The following SPRY2 variants were observed in gnomAD, a reference collection of about 807,000 sequenced individuals.
SPRY2 encodes sprouty RTK signaling antagonist 2, also known as protein sprouty homolog 2.
A neutral mutation model predicts 23.4 loss-of-function variants in SPRY2; 10 were observed. The observed-to-expected ratio is 0.43, with a 90% CI of 0.26 to 0.73. The LOEUF (loss-of-function observed/expected upper bound fraction) is 0.73. Ranked by LOEUF, SPRY2 falls within the 30% of genes least tolerant of loss-of-function variation. The pLI is 0.22. For missense variants in SPRY2, 344 were observed against 396.9 expected (o/e 0.87, Z 1.13); for synonymous variants, 170 against 156.9 (o/e 1.08, Z -0.62).
At position 80,339,465 on chromosome 13, in the gene SPRY2, C is replaced by A. The variant is rs372939774; in HGVS notation, c.-52+1157G>T. ...TTTTCCAGGGTCCCACTGCTCACTC[C>A]GGGCGCGCAGGACCCAGCTCCCGGA... On this transcript the variant is annotated intron_variant, in intron 1 of 1. Transcript: ENST00000377104. The A allele has an allele frequency of 2.0e-5, 3 of 152,246 alleles. No individual in the cohort carries two copies. In the East Asian group the frequency reaches 5.8e-4, roughly 29 times the overall value. The allele number at this position is 152,246 out of a possible 1,614,324, so 9.4% of individuals were successfully genotyped here.
Position 80,337,383 on chromosome 13 carries a change from G to A in SPRY2, c.323C>T (p.Ser108Phe). The A allele has an allele frequency of 1.2e-6, 2 of 1,614,146 alleles. No individual in the cohort carries two copies. Among genetic ancestry groups the A allele is most frequent in the Non-Finnish European group, 1.7e-6 (2 of 1,180,028 alleles). ...QVHSSARAPL[S>F]RSISTVSSGS... The stretch of plus-strand genomic sequence containing the variant: ...TGAGCTGACCGTGCTTATGGATCTG[G>A]ACAGAGGGGCTCGTGCAGAAGAATG... Residue 108 changes from serine to phenylalanine, a missense_variant, in exon 2 of 2, where the codon TCC (serine) becomes TTC (phenylalanine). Coordinates refer to ENST00000377104, the MANE Select transcript of SPRY2 (RefSeq NM_005842.4).
Position 80,337,470 on chromosome 13 carries a change from T to C in SPRY2, c.236A>G (p.His79Arg). The part of the protein sequence containing the change: ...PAPRPSTQHK[H>R]ERLHGLPEHR... Reference sequence around the variant, plus strand: ...CTCAGGCAGACCGTGGAGTCTCTCGTGTTTGTGCTGAGTGGAGGGGCGAGG... The same window carrying C: ...CTCAGGCAGACCGTGGAGTCTCTCGCGTTTGTGCTGAGTGGAGGGGCGAGG... The change falls in exon 2 of 2, where the codon CAC becomes CGC. Residue 79 changes from histidine to arginine, a missense_variant. His to Arg is a conservative substitution (Grantham distance 29). Coordinates refer to ENST00000377104, the MANE Select transcript of SPRY2 (RefSeq NM_005842.4). The C allele has an allele frequency of 6.2e-7, 1 of 1,614,028 alleles. No homozygotes were observed. Among genetic ancestry groups the C allele is most frequent in the Non-Finnish European group, 8.5e-7 (1 of 1,179,998 alleles).
At position 80,337,407 on chromosome 13, in the gene SPRY2, T is replaced by C. The variant is rs972292459; in HGVS notation, c.299A>G (p.His100Arg). The C allele has an allele frequency of 6.2e-7, 1 of 1,614,110 alleles. No individual in the cohort carries two copies. Among genetic ancestry groups the C allele is most frequent in the Non-Finnish European group, 8.5e-7 (1 of 1,180,022 alleles). ...QPPRLQHSQV[H>R]SSARAPLSRS... ...GGACAGAGGGGCTCGTGCAGAAGAA[T>C]GGACCTGCGAGTGCTGGAGCCTAGG... The change falls in exon 2 of 2, where the codon CAT becomes CGT. Residue 100 changes from histidine to arginine, a missense_variant. Physicochemically the swap from His to Arg is conservative, Grantham distance 29. Coordinates refer to ENST00000377104, the MANE Select transcript of SPRY2 (RefSeq NM_005842.4).
At chr13:80,339,841 C>T (rs993244685) in intron 1 of SPRY2, among the ~76,000 whole-genome samples, 7 of 152,230 alleles carry the variant, frequency 4.6e-5, no homozygotes, top group African/African-American at 1.7e-4. Flanking sequence ...TAAAAAATTG[C>T]CTATTTTGCC....
chr13:80,337,488 G>C lies in SPRY2; in HGVS notation c.218C>G (p.Pro73Arg). The C allele has an allele frequency of 1.2e-6, 2 of 1,614,184 alleles. No individual in the cohort carries two copies. Among genetic ancestry groups the C allele is most frequent in the Non-Finnish European group, 1.7e-6 (2 of 1,180,036 alleles). ...TCTCTCGTGTTTGTGCTGAGTGGAG[G>C]GGCGAGGAGCAGGCTTGAGCCCAGG... ...PRPGLKPAPRPSTQHKHERLH... is the reference protein window; with the variant it reads ...PRPGLKPAPRRSTQHKHERLH... Residue 73 changes from proline to arginine, a missense_variant, in exon 2 of 2, where the codon CCC becomes CGC. By Grantham distance (103) the Pro-to-Arg change is moderately radical. Coordinates refer to ENST00000377104, the MANE Select transcript of SPRY2 (RefSeq NM_005842.4).
chr13:80,337,333 T>C lies in SPRY2; in HGVS notation c.373A>G (p.Ser125Gly). 1.2e-6 allele frequency: 2 copies of C among 1,614,200 alleles called. No individual in the cohort carries two copies. The highest frequency in any genetic ancestry group is 8.5e-7 in the Non-Finnish European group (1 of 1,180,042). ...SSGSRSSTRT[S>G]TSSSSSEQRL... ...TGTTCAGAGGAGCTGCTGCTGGTAC[T>C]TGTCCTCGTACTGCTCCGCGACCCT... Residue 125 changes from serine to glycine, a missense_variant, in exon 2 of 2, where the codon AGT (serine) becomes GGT (glycine). Physicochemically the swap from Ser to Gly is moderately conservative, Grantham distance 56. Coordinates refer to ENST00000377104, the MANE Select transcript of SPRY2 (RefSeq NM_005842.4).
intron 1 of SPRY2, chr13:80,339,689 T>A (rs958087330): frequency 6.6e-6 from 1 of 151,570 alleles, no homozygotes; most frequent in African/African-American, 2.4e-5. Context: ...GAAACCCCCA[T>A]TAAGAACAGT....
In SPRY2 at chr13:80,340,831, C is replaced by T. The variant is rs1025672237; in HGVS notation, c.-261G>A. On this transcript the variant is annotated 5_prime_UTR_variant, in exon 1 of 2. Transcript: ENST00000377104. ...CCGGGGTTCGGAGCTGGAGACGACT[C>T]CCCTTCTACAAGCGCACGCGGAGTA... 6.6e-6 allele frequency: 1 copy of T among 152,348 alleles called. No homozygotes were observed. Among genetic ancestry groups the T allele is most frequent in the African/African-American group, 2.4e-5 (1 of 41,594 alleles). The allele number at this position is 152,348 out of a possible 1,614,324, so 9.4% of individuals were successfully genotyped here.
chr13:80,337,049 T>A lies in SPRY2; in HGVS notation c.657A>T (p.Val219=). 6.2e-7 allele frequency: 1 copy of A among 1,614,234 alleles called. No individual in the cohort carries two copies. Among genetic ancestry groups the A allele is most frequent in the Non-Finnish European group, 8.5e-7 (1 of 1,180,042 alleles). The change falls in exon 2 of 2, where the codon GTA becomes GTT. Residue 219 remains valine (V), a synonymous_variant. Coordinates refer to ENST00000377104, the MANE Select transcript of SPRY2 (RefSeq NM_005842.4). The part of the protein sequence containing the change: ...AQNVIDYGTC[V]CCVKGLFYHC... ...GATAGAAGAGACCTTTCACACAGCA[T>A]ACACAAGTCCCATAGTCAATCACGT...
At position 80,337,160 on chromosome 13, in the gene SPRY2, G is replaced by T. The variant is rs1223275593; in HGVS notation, c.546C>A (p.Gly182=). The T allele has an allele frequency of 7.4e-6, 12 of 1,613,974 alleles. No homozygotes were observed. Among genetic ancestry groups the T allele is most frequent in the African/African-American group, 1.3e-5 (1 of 74,918 alleles). ...GLHAYRCEDC[G]KCKCKECTYP... ...AGGTGCACTCCTTACATTTGCACTT[G>T]CCACAGTCCTCACACCTGTAGGCGT... Residue 182 remains glycine (G), a synonymous_variant, in exon 2 of 2, where the codon GGC becomes GGA. Transcript: ENST00000377104.
chr13:80,339,932 A>T (rs996422171), intron 1 of SPRY2, among the ~76,000 whole-genome samples: 1 of 152,240 alleles, frequency 6.6e-6, no homozygotes, highest in East Asian at 1.9e-4. Context: ...GCTTCCAAAA[A>T]TAAAATAAGT....
At chr13:80,340,366 CG>C (rs919062311) in intron 1 of SPRY2, among the ~76,000 whole-genome samples, 1 of 152,262 alleles carries the variant, frequency 6.6e-6, no homozygotes, top group African/African-American at 2.4e-5. Flanking sequence ...CCCTAGAGCG[CG>C]GGCGCGCGGG....
Position 80,336,675 on chromosome 13 carries a change from T to C in SPRY2, c.*83A>G. On this transcript the variant is annotated 3_prime_UTR_variant, in exon 2 of 2. Coordinates refer to ENST00000377104, the MANE Select transcript of SPRY2 (RefSeq NM_005842.4). ...ACCTTTCTATTAACAGTGCCAAGATTATAACTGTTTAGTTGGTTGCATATG... is the reference window on the plus strand; with the variant it reads ...ACCTTTCTATTAACAGTGCCAAGATCATAACTGTTTAGTTGGTTGCATATG... 3.0e-6 allele frequency: 4 copies of C among 1,342,846 alleles called. No individual in the cohort carries two copies. The highest frequency in any genetic ancestry group is 4.2e-6 in the Non-Finnish European group (4 of 959,068). 83.2% of individuals were successfully genotyped at this position (1,342,846 alleles called of 1,614,324 possible). A position where few individuals can be genotyped will look rare whatever the true frequency, so the allele number is the denominator to read the frequency against.
In SPRY2 at chr13:80,336,002, C is replaced by A. The variant is rs991597211; in HGVS notation, c.*756G>T. On this transcript the variant is annotated 3_prime_UTR_variant, in exon 2 of 2. Coordinates refer to ENST00000377104, the MANE Select transcript of SPRY2 (RefSeq NM_005842.4). Reference sequence around the variant, plus strand: ...TTAATTTCAAACGTTAATATATTTTCTATTTTATATTGGACATATGCATCT... The same window carrying A: ...TTAATTTCAAACGTTAATATATTTTATATTTTATATTGGACATATGCATCT... The A allele has an allele frequency of 1.3e-5, 2 of 152,126 alleles. No individual in the cohort carries two copies. Among genetic ancestry groups the A allele is most frequent in the African/African-American group, 4.8e-5 (2 of 41,442 alleles). 9.4% of individuals were successfully genotyped at this position (152,126 alleles called of 1,614,324 possible). A position where few individuals can be genotyped will look rare whatever the true frequency, so the allele number is the denominator to read the frequency against.
chr13:80,338,440 A>G (rs112647295), intron 1 of SPRY2, among the ~76,000 whole-genome samples: 13 of 152,332 alleles, frequency 8.5e-5, no homozygotes, highest in African/African-American at 2.6e-4. Context: ...CAAGAAGAAG[A>G]CATGAATTTA....
In SPRY2 at chr13:80,337,424, G is replaced by A. The variant is rs1566315713; in HGVS notation, c.282C>T (p.Leu94=). The stretch of plus-strand genomic sequence containing the variant: ...CAGAAGAATGGACCTGCGAGTGCTG[G>A]AGCCTAGGAGGCTGGCGGTGCTCAG... The part of the protein sequence containing the change: ...GLPEHRQPPR[L]QHSQVHSSAR... The change falls in exon 2 of 2, where the codon CTC becomes CTT. Residue 94 remains leucine, a synonymous_variant. Transcript: ENST00000377104. 2 of 1,614,152 alleles carry A rather than the reference G, an allele frequency of 1.2e-6. No homozygotes were observed. The highest frequency in any genetic ancestry group is 1.1e-5 in the South Asian group (1 of 91,086).
In SPRY2 at chr13:80,337,261, T is replaced by C. The variant is rs367880580; in HGVS notation, c.445A>G (p.Ile149Val). ...SFSSGPVADGIIRVQPKSELK... is the reference protein window; with the variant it reads ...SFSSGPVADGVIRVQPKSELK... ...TCAGATTTGGGTTGCACCCGGATTA[T>C]GCCATCAGCAACAGGCCCGGAGGAG... The change falls in exon 2 of 2, where the codon ATA (isoleucine) becomes GTA (valine). Residue 149 changes from isoleucine to valine, a missense_variant. Transcript: ENST00000377104. 25 of 1,612,790 alleles carry C rather than the reference T, an allele frequency of 1.6e-5. No individual in the cohort carries two copies. The South Asian group carries it at 2.7e-4, about 18-fold the overall frequency.
At chr13:80,338,542 C>T (rs2033209435) in intron 1 of SPRY2, among the ~76,000 whole-genome samples, 1 of 152,198 alleles carries the variant, frequency 6.6e-6, no homozygotes, top group Non-Finnish European at 1.5e-5. Flanking sequence ...AGGTTGTTCT[C>T]CCTGCTAATT....
chr13:80,338,859 A>T (rs2137726952), intron 1 of SPRY2: 1 of 152,478 alleles, frequency 6.6e-6, no homozygotes, highest in East Asian at 1.9e-4. Context: ...ATGGCAGAAG[A>T]CAACGCTGCT....
Sources: allele counts gnomAD v4.1 joint callset (sites outside exome capture counted in the v4.1 genomes callset), GRCh38; gene constraint gnomAD v4.1.1; transcripts MANE v1.5; gene names NCBI Gene and HGNC (gene_info 2026-07-23, HGNC 2026-07-21).